LRP1B: variants seen among roughly 807,000 people sequenced by gnomAD.
LRP1B encodes the protein low-density lipoprotein receptor-related protein 1B.
A neutral mutation model predicts 556.6 loss-of-function variants in LRP1B; 217 were observed. That is an observed-to-expected ratio of 0.39 (90% CI 0.35 to 0.44). The LOEUF is 0.44. Ranked by LOEUF, LRP1B falls within the 20% of genes least tolerant of loss-of-function variation. The pLI is 1.00. For missense variants in LRP1B, 5,053 were observed against 5,620.8 expected, an observed-to-expected ratio of 0.90 and a Z score of 3.23; for synonymous variants, 2,047 against 1,865.8, an observed-to-expected ratio of 1.10 and a Z score of -2.50.
At chr2:141,974,592 A>G (rs982116839) in intron 1 of LRP1B, among the ~76,000 whole-genome samples, 10 of 152,038 alleles carry the variant, frequency 6.6e-5, no homozygotes, top group Non-Finnish European at 7.4e-5. Context: ...TTCAGGTAAT[A>G]TGTGTAAATG....
At chr2:142,015,916 C>G (rs545051310) in intron 1 of LRP1B, among the ~76,000 whole-genome samples, 1 of 131,882 alleles carries the variant, frequency 7.6e-6, no homozygotes, top group Non-Finnish European at 1.6e-5. Context: ...GGCGATAGCC[C>G]GGGAGTCGGA....
chr2:141,153,302 A>G (rs1422963847), intron 7 of LRP1B, among the ~76,000 whole-genome samples: 1 of 123,408 alleles, frequency 8.1e-6, no homozygotes, highest in Non-Finnish European at 1.6e-5. Context: ...TATATATAAT[A>G]TATTATATAT....
intron 1 of LRP1B, among the ~76,000 whole-genome samples, chr2:141,919,220 A>G (rs994305242): frequency 2.0e-5 from 3 of 152,112 alleles, no homozygotes; most frequent in African/African-American, 4.8e-5. Flanking sequence ...TATAAAGAGA[A>G]ATAGAGATGG....
intron 6 of LRP1B, among the ~76,000 whole-genome samples, chr2:141,213,162 G>A (rs1014622517): frequency 6.6e-6 from 1 of 150,856 alleles, no homozygotes; most frequent in African/African-American, 2.4e-5. Context: ...ATGTTGCCCG[G>A]GTTGGTCTTG....
rs1203846571 is a variant in LRP1B at position 142,115,653 on chromosome 2, T to A, written c.82+14995A>T. Among the ~76,000 whole-genome samples, 2 of 6,862 alleles carry A rather than the reference T, an allele frequency of 2.9e-4. 1 individual carries two copies. The highest frequency in any genetic ancestry group is 7.0e-4 in the Non-Finnish European group (2 of 2,858). The allele number at this position is 6,862 out of a possible 152,430, so 4.5% of individuals were successfully genotyped here. On this transcript the variant is annotated intron_variant, in intron 1 of 90. Coordinates refer to ENST00000389484, the MANE Select transcript of LRP1B (RefSeq NM_018557.3). Reference sequence around the variant, plus strand: ...TATATTATATATGTAATATATATATTATATGTAATATATATATGTAATATA... The same window carrying A: ...TATATTATATATGTAATATATATATAATATGTAATATATATATGTAATATA...
At chr2:140,674,322 C>A (rs1269087246) in intron 41 of LRP1B, among the ~76,000 whole-genome samples, 1 of 152,040 alleles carries the variant, frequency 6.6e-6, no homozygotes, top group Non-Finnish European at 1.5e-5. Context: ...CCATTCAGGC[C>A]CTCCTAATCT....
intron 7 of LRP1B, among the ~76,000 whole-genome samples, chr2:141,096,667 A>AGG (rs1299065350): frequency 0.011 from 1,390 of 128,322 alleles, 121 homozygotes; most frequent in Middle Eastern, 0.018. Context: ...AGAGAGAGAG[A>AGG]GAGAGAGAGA....
chr2:140,450,688 A>G (rs1344826529), intron 62 of LRP1B, 27 bp from the exon 63 acceptor site: 1 of 1,519,464 alleles, frequency 6.6e-7, no homozygotes, highest in Non-Finnish European at 9.1e-7. Flanking sequence ...AGAAAAAAAA[A>G]TGTTGAAGAA....
intron 17 of LRP1B, among the ~76,000 whole-genome samples, chr2:140,987,969 G>A (rs1386033685): frequency 6.6e-6 from 1 of 152,036 alleles, no homozygotes; most frequent in African/African-American, 2.4e-5. Context: ...GGGAGACAGA[G>A]CAAGACTGTC....
At chr2:141,094,419 T>C (rs188694635) in intron 7 of LRP1B, among the ~76,000 whole-genome samples, 30 of 152,240 alleles carry the variant, frequency 2.0e-4, no homozygotes, top group Admixed American at 1.3e-4. Context: ...AATTTTAGTG[T>C]TTAAGGGGGT....
rs184223449 is a variant in LRP1B, at chr2:140,781,531, A to G, written c.5360-5293T>C. Among the ~76,000 whole-genome samples the G allele has an allele frequency of 3.3e-5, 5 of 152,346 alleles. No individual in the cohort carries two copies. In the East Asian group the frequency reaches 9.6e-4, roughly 29 times the overall value. ...TCTATTATTTGTAAAGTATGATTGC[A>G]GATGATGGAAAAATGACAGGAGACA... On this transcript the variant is annotated intron_variant, in intron 32 of 90. Coordinates refer to ENST00000389484, the MANE Select transcript of LRP1B (RefSeq NM_018557.3).
chr2:141,384,095 C>T (rs190537851), intron 3 of LRP1B, among the ~76,000 whole-genome samples: 14 of 152,144 alleles, frequency 9.2e-5, no homozygotes, highest in African/African-American at 3.4e-4. Flanking sequence ...ATACTGTATA[C>T]CTTAAATATA....
chr2:141,682,111 A>G (rs1052572756), intron 2 of LRP1B, among the ~76,000 whole-genome samples: 3 of 152,136 alleles, frequency 2.0e-5, no homozygotes, highest in Admixed American at 6.6e-5. Flanking sequence ...TGTATGTTCA[A>G]TTGGGTGTCT....
chr2:141,418,868 C>G (rs1214672592), intron 3 of LRP1B, among the ~76,000 whole-genome samples: 5 of 151,980 alleles, frequency 3.3e-5, no homozygotes, highest in African/African-American at 1.2e-4. Flanking sequence ...GATCCATGAA[C>G]ATAGGAGGTC....
chr2:141,990,934 C>A (rs1283297720), intron 1 of LRP1B, among the ~76,000 whole-genome samples: 2 of 151,946 alleles, frequency 1.3e-5, no homozygotes, highest in African/African-American at 4.8e-5. Context: ...TAAGATCTCC[C>A]AAAGCTACCT....
intron 11 of LRP1B, among the ~76,000 whole-genome samples, chr2:141,035,765 T>C (rs1698515326): frequency 6.6e-6 from 1 of 152,100 alleles, no homozygotes; most frequent in Middle Eastern, 3.2e-3. Flanking sequence ...AAATACAAAA[T>C]GAGCTTATTG....
chr2:141,920,400 T>C (rs1350209357), intron 1 of LRP1B, among the ~76,000 whole-genome samples: 1 of 151,944 alleles, frequency 6.6e-6, no homozygotes, highest in Non-Finnish European at 1.5e-5. Flanking sequence ...GAATTTAGTT[T>C]CAGAACACAA....
At chr2:140,451,628 C>A (rs546689803) in intron 62 of LRP1B, among the ~76,000 whole-genome samples, 5 of 152,100 alleles carry the variant, frequency 3.3e-5, no homozygotes, top group Non-Finnish European at 7.3e-5. Flanking sequence ...ATGGGCCCCA[C>A]ATAAATTTTA....
chr2:140,974,692 G>T (rs183832249), intron 18 of LRP1B, among the ~76,000 whole-genome samples: 2 of 152,206 alleles, frequency 1.3e-5, no homozygotes, highest in African/African-American at 4.8e-5. Flanking sequence ...TCTTTCTTTC[G>T]CCATGGCCCT....
Sources: allele counts gnomAD v4.1 joint callset (sites outside exome capture counted in the v4.1 genomes callset), GRCh38; gene constraint gnomAD v4.1.1; transcripts MANE v1.5; gene names NCBI Gene and HGNC (gene_info 2026-07-23, HGNC 2026-07-21).